The following ZNF518B variants were observed in gnomAD, a reference collection of about 807,000 sequenced individuals.
The protein encoded by ZNF518B is zinc finger protein 518B.
ZNF518B carries 23 observed loss-of-function variants against 56.3 expected under a neutral mutation model. The ratio of observed to expected loss-of-function variants is 0.41; its 90% CI spans 0.29 to 0.58. The LOEUF (loss-of-function observed/expected upper bound fraction) is 0.58. Among genes scored for constraint, ZNF518B ranks in the 20% least tolerant of loss-of-function variants. The pLI, the probability that ZNF518B is intolerant of heterozygous loss-of-function variation, is 0.32. For missense variants in ZNF518B, 1,460 were observed against 1,272.1 expected (o/e 1.15, Z -2.25); for synonymous variants, 529 against 465.9 (o/e 1.14, Z -1.74).
At position 10,445,269 on chromosome 4, in the gene ZNF518B, T is replaced by C; in HGVS notation, c.1060A>G (p.Asn354Asp). The C allele has an allele frequency of 1.2e-6, 2 of 1,614,072 alleles. No homozygotes were observed. Among genetic ancestry groups the C allele is most frequent in the Non-Finnish European group, 1.7e-6 (2 of 1,179,924 alleles). ...TTCAGAACAAGCTGCTGTGTACCATTGACAACCTTCACATCTATCAACTGG... is the reference window on the plus strand; with the variant it reads ...TTCAGAACAAGCTGCTGTGTACCATCGACAACCTTCACATCTATCAACTGG... ...LAQLIDVKVV[N>D]GTQQLVLKLF... The change falls in exon 3 of 3, where the codon AAT (asparagine) becomes GAT (aspartate). Residue 354 changes from asparagine to aspartate, a missense_variant. By Grantham distance (23) the Asn-to-Asp change is conservative (BLOSUM62 1). Transcript: ENST00000326756.
chr4:10,450,962 A>G (rs1448834718), intron 2 of ZNF518B: 1 of 152,204 alleles, frequency 6.6e-6, no homozygotes, highest in African/African-American at 2.4e-5. Context: ...ACATACAGTG[A>G]GTTTTCTAAT....
chr4:10,461,272 C>A (rs1336586076), upstream of ZNF518B, among the ~76,000 whole-genome samples: 7 of 152,248 alleles, frequency 4.6e-5, no homozygotes, highest in Non-Finnish European at 1.0e-4. Flanking sequence ...CGCCCTTTCC[C>A]GCCCTGCGGC....
In ZNF518B at chr4:10,442,404, G is replaced by T. The variant is rs534915964; in HGVS notation, c.*700C>A. ...CCCTTCCCATATGTCATAAACCAAT[G>T]TATTTTAAAGAAAGCAAAAGCTAAG... On this transcript the variant is annotated 3_prime_UTR_variant, in exon 3 of 3. Coordinates refer to ENST00000326756, the MANE Select transcript of ZNF518B (RefSeq NM_053042.3). 2 of 152,250 alleles carry T rather than the reference G, an allele frequency of 1.3e-5. No homozygotes were observed. The highest frequency in any genetic ancestry group is 6.5e-5 in the Admixed American group (1 of 15,282). The allele number at this position is 152,250 out of a possible 1,614,324, so 9.4% of individuals were successfully genotyped here. A position where few individuals can be genotyped will look rare whatever the true frequency, so the allele number is the denominator to read the frequency against.
intron 1 of ZNF518B, among the ~76,000 whole-genome samples, chr4:10,456,388 C>T (rs1715528034): frequency 6.6e-6 from 1 of 152,034 alleles, no homozygotes; most frequent in African/African-American, 2.4e-5. Flanking sequence ...TTTACAGAGC[C>T]CCAAACCCCA....
rs759697058 is a variant in ZNF518B at position 10,444,782 on chromosome 4, C to T, written c.1547G>A (p.Ser516Asn). 12 of 1,613,742 alleles carry T rather than the reference C, an allele frequency of 7.4e-6. No individual in the cohort carries two copies. The highest frequency in any genetic ancestry group is 9.3e-6 in the Non-Finnish European group (11 of 1,179,804). The change falls in exon 3 of 3, where the codon AGT becomes AAT. Residue 516 changes from serine (S) to asparagine (N), a missense_variant. Transcript: ENST00000326756. ...PYKAAVCFAE[S>N]GRNLHSSSQQ... ...TGAGCTACTGTGTAAATTTCTTCCA[C>T]TTTCAGCAAAACAAACAGCAGCTTT...
Position 10,446,376 on chromosome 4 carries a change from A to C in ZNF518B, c.-48T>G. Reference sequence around the variant, plus strand: ...GCCAACTAAAATTCAGAAAGTTTTCACATGATAAAATCCTTAGGAGATATC... The same window carrying C: ...GCCAACTAAAATTCAGAAAGTTTTCCCATGATAAAATCCTTAGGAGATATC... On this transcript the variant is annotated 5_prime_UTR_variant, in exon 3 of 3. It removes the in-frame stop codon of an upstream open reading frame in the 5' UTR. Transcript: ENST00000326756. 1 of 1,554,212 alleles carries C rather than the reference A, an allele frequency of 6.4e-7. No individual in the cohort carries two copies. The highest frequency in any genetic ancestry group is 8.8e-7 in the Non-Finnish European group (1 of 1,136,944).
rs1715044828 is a variant in ZNF518B, at chr4:10,446,210, G to T, written c.119C>A (p.Ala40Glu). The change falls in exon 3 of 3, where the codon GCA (alanine) becomes GAA (glutamate). Residue 40 changes from alanine to glutamate, a missense_variant. Ala to Glu is a moderately radical substitution (Grantham distance 107). Coordinates refer to ENST00000326756, the MANE Select transcript of ZNF518B (RefSeq NM_053042.3). ...TGAGCCTTGATACAAAAGGGTTTGT[G>T]CTTCTTGTCTATTTGGCCGAGGTGC... ...NGAPRPNRQE[A>E]QTLLYQGSEA... 6.2e-7 allele frequency: 1 copy of T among 1,614,080 alleles called. No homozygotes were observed. The highest frequency in any genetic ancestry group is 1.7e-5 in the Admixed American group (1 of 60,000).
chr4:10,455,713 G>A (rs1055169380), intron 1 of ZNF518B, among the ~76,000 whole-genome samples: 2 of 152,120 alleles, frequency 1.3e-5, no homozygotes, highest in Non-Finnish European at 2.9e-5. Context: ...TCCTTTGTCT[G>A]CTCTTTTCAA....
intron 2 of ZNF518B, among the ~76,000 whole-genome samples, chr4:10,450,683 G>T (rs1341795756): frequency 6.6e-6 from 1 of 152,164 alleles, no homozygotes; most frequent in African/African-American, 2.4e-5. Context: ...TGACCAAGGA[G>T]TACAAAAAGA....
At chr4:10,451,706 C>T (rs775205756) in intron 2 of ZNF518B, 3 of 152,150 alleles carry the variant, frequency 2.0e-5, no homozygotes, top group Non-Finnish European at 4.4e-5. Context: ...AGATAATTTA[C>T]CTCTGTGGCA....
Position 10,446,410 on chromosome 4 carries a change from C to G in ZNF518B, c.-82G>C. ...AATCCTTAGGAGATATCCTTCTATA[C>G]AGTTTGTGATGGGTAGGGGCGCAGC... On this transcript the variant is annotated 5_prime_UTR_variant, in exon 3 of 3. Coordinates refer to ENST00000326756, the MANE Select transcript of ZNF518B (RefSeq NM_053042.3). 1.5e-6 allele frequency: 2 copies of G among 1,367,038 alleles called. No homozygotes were observed. Among genetic ancestry groups the G allele is most frequent in the East Asian group, 4.6e-5 (2 of 43,438 alleles). 84.7% of individuals were successfully genotyped at this position (1,367,038 alleles called of 1,614,324 possible).
At chr4:10,448,474 T>C (rs1041070348) in intron 2 of ZNF518B, among the ~76,000 whole-genome samples, 2 of 152,160 alleles carry the variant, frequency 1.3e-5, no homozygotes, top group East Asian at 1.9e-4. Context: ...ACACATCATA[T>C]CTGATGACAA....
At chr4:10,458,676 G>A (rs116333102), upstream of ZNF518B, among the ~76,000 whole-genome samples, 237 of 152,290 alleles carry the variant, frequency 1.6e-3, 1 homozygote, top group African/African-American at 5.6e-3. Flanking sequence ...GAAAAGCTAA[G>A]GAACCTCTTC....
intron 1 of ZNF518B, among the ~76,000 whole-genome samples, chr4:10,456,270 T>C (rs1715522858): frequency 6.6e-6 from 1 of 152,290 alleles, no homozygotes; most frequent in Non-Finnish European, 1.5e-5. Context: ...ACGGGATACA[T>C]TAACTACCCA....
At position 10,443,603 on chromosome 4, in the gene ZNF518B, C is replaced by T. The variant is rs774635179; in HGVS notation, c.2726G>A (p.Arg909His). ...KKNKIQAEPS[R>H]CLKDPSIFQV... The stretch of plus-strand genomic sequence containing the variant: ...AAAAATTGAAGGATCCTTGAGACAG[C>T]GGCTAGGTTCAGCTTGAATTTTGTT... Residue 909 changes from arginine (R) to histidine (H), a missense_variant, in exon 3 of 3, where the codon CGC (arginine) becomes CAC (histidine). Transcript: ENST00000326756. The T allele has an allele frequency of 1.1e-5, 18 of 1,614,010 alleles. No homozygotes were observed. The highest frequency in any genetic ancestry group is 5.0e-5 in the Admixed American group (3 of 59,994).
At position 10,444,578 on chromosome 4, in the gene ZNF518B, G is replaced by T. The variant is rs1421010780; in HGVS notation, c.1751C>A (p.Ser584Ter). The T allele has an allele frequency of 6.2e-7, 1 of 1,614,096 alleles. No individual in the cohort carries two copies. The highest frequency in any genetic ancestry group is 1.1e-5 in the South Asian group (1 of 91,088). Residue 584 changes from serine (S) to a stop codon, truncating the protein, a stop_gained, in exon 3 of 3, where the codon TCA (serine) becomes TAA (stop). Transcript: ENST00000326756. LOFTEE classifies it high-confidence loss of function. ...DNQTEEHKAV[S>*]TVGQISSQHK... ...TTGAGAGGAAATCTGGCCTACAGTT[G>T]AAACTGCCTTGTGTTCCTCTGTCTG... is the stretch of plus-strand genomic sequence containing the variant.
In ZNF518B at chr4:10,444,757, T is replaced by A. The variant is rs1244791307; in HGVS notation, c.1572A>T (p.Ser524=). The A allele has an allele frequency of 1.2e-6, 2 of 1,613,784 alleles. No homozygotes were observed. The highest frequency in any genetic ancestry group is 1.7e-5 in the Admixed American group (1 of 59,958). ...ATGCAGCAAATGGGAGTAACTGCTGTGAGCTACTGTGTAAATTTCTTCCAC... is the reference window on the plus strand; with the variant it reads ...ATGCAGCAAATGGGAGTAACTGCTGAGAGCTACTGTGTAAATTTCTTCCAC... ...AESGRNLHSS[S]QQLLPFAASP... Residue 524 remains serine (S), a synonymous_variant, in exon 3 of 3, where the codon TCA becomes TCT. Transcript: ENST00000326756.
chr4:10,445,212 C>T lies in ZNF518B; in HGVS notation c.1117G>A (p.Glu373Lys), dbSNP rs147386063. 1 of 1,614,184 alleles carries T rather than the reference C, an allele frequency of 6.2e-7. No homozygotes were observed. The highest frequency in any genetic ancestry group is 8.5e-7 in the Non-Finnish European group (1 of 1,180,032). ...TTACCTCCATTATCCCTCCCAGCTT[C>T]AAGGCAATTATTTTCTTCCAGCGGA... is the stretch of plus-strand genomic sequence containing the variant. The part of the protein sequence containing the change: ...LFPLEENNCL[E>K]AGRDNGGNSE... The change falls in exon 3 of 3, where the codon GAA becomes AAA. Residue 373 changes from glutamate to lysine, a missense_variant. By Grantham distance (56) the Glu-to-Lys change is moderately conservative. Coordinates refer to ENST00000326756, the MANE Select transcript of ZNF518B (RefSeq NM_053042.3).
In ZNF518B at chr4:10,445,550, A is replaced by G. The variant is rs1714989312; in HGVS notation, c.779T>C (p.Leu260Pro). The G allele has an allele frequency of 3.1e-6, 5 of 1,614,172 alleles. No individual in the cohort carries two copies. The highest frequency in any genetic ancestry group is 4.2e-6 in the Non-Finnish European group (5 of 1,180,032). Residue 260 changes from leucine (L) to proline (P), a missense_variant, in exon 3 of 3, where the codon CTG (leucine) becomes CCG (proline). By Grantham distance (98) the Leu-to-Pro change is moderately conservative. Coordinates refer to ENST00000326756, the MANE Select transcript of ZNF518B (RefSeq NM_053042.3). The part of the protein sequence containing the change: ...TTFQNKWSDQ[L>P]SGFSLHANKD... ...ATTTGCATGGAGAGAGAAACCTGAC[A>G]GTTGGTCTGACCACTTATTTTGAAA...
Sources: allele counts gnomAD v4.1 joint callset (sites outside exome capture counted in the v4.1 genomes callset), GRCh38; gene constraint gnomAD v4.1.1; transcripts MANE v1.5; gene names NCBI Gene and HGNC (gene_info 2026-07-23, HGNC 2026-07-21).